MYO16: variants seen among roughly 807,000 people sequenced by gnomAD.
The protein encoded by MYO16 is myosin XVI.
A neutral mutation model predicts 205.3 loss-of-function variants in MYO16; 94 were observed. That is an observed-to-expected ratio of 0.46 (90% CI 0.39 to 0.54). The LOEUF (loss-of-function observed/expected upper bound fraction) is 0.54. Among genes scored for constraint, MYO16 ranks in the 20% least tolerant of loss-of-function variants. The pLI, the probability that MYO16 is intolerant of heterozygous loss-of-function variation, is 0.00. For missense variants in MYO16, 2,315 were observed against 2,387.5 expected (o/e 0.97, Z 0.63); for synonymous variants, 988 against 954.0 (o/e 1.04, Z -0.66).
upstream of MYO16, among the ~76,000 whole-genome samples, chr13:108,592,271 G>A (rs1372950021): frequency 8.4e-6 from 1 of 118,700 alleles, no homozygotes; most frequent in African/African-American, 3.4e-5. Flanking sequence ...GTACGTGTGG[G>A]TGTGTGGGGG....
intron 1 of MYO16, among the ~76,000 whole-genome samples, chr13:108,642,767 G>C (rs750144781): frequency 3.5e-4 from 53 of 152,044 alleles, no homozygotes; most frequent in Non-Finnish European, 6.9e-4. Context: ...AAGTGACAGA[G>C]GCTGGCATCT....
intron 4 of MYO16, among the ~76,000 whole-genome samples, chr13:108,776,506 G>A (rs1479046454): frequency 1.3e-5 from 2 of 152,142 alleles, no homozygotes; most frequent in African/African-American, 2.4e-5. Flanking sequence ...TAAGCATTTC[G>A]ATTATTTCCT....
At chr13:108,497,289 C>T in the MYO16 span, among the ~76,000 whole-genome samples, 1 of 152,190 alleles carries the variant, frequency 6.6e-6, no homozygotes, top group Non-Finnish European at 1.5e-5. Context: ...GTAGAAGCCT[C>T]GAAGGTAATT....
rs368889865 is a variant in MYO16, at chr13:108,836,598, G to T, written c.1098-7745G>T. Among the ~76,000 whole-genome samples the T allele has an allele frequency of 2.0e-5, 3 of 152,042 alleles. No individual in the cohort carries two copies. In the South Asian group the frequency reaches 6.2e-4, roughly 32 times the overall value. On this transcript the variant is annotated intron_variant, in intron 9 of 34. Transcript: ENST00000457511. ...AATGCCAGCCCATGAAAGCAGCCGG[G>T]TGCAGGGCCATACCCAGCAAAACCA... is the stretch of plus-strand genomic sequence containing the variant.
intron 2 of MYO16, among the ~76,000 whole-genome samples, chr13:108,666,386 T>A (rs1881732148): frequency 7.3e-6 from 1 of 137,300 alleles, no homozygotes; most frequent in Non-Finnish European, 1.5e-5. Flanking sequence ...GAGATTGTAT[T>A]TTTTTTTTTA....
chr13:108,667,119 C>A (rs1047738091), intron 2 of MYO16, among the ~76,000 whole-genome samples: 16 of 152,084 alleles, frequency 1.1e-4, no homozygotes, highest in African/African-American at 3.6e-4. Flanking sequence ...ATAACCTGTT[C>A]AGTTTGGAAA....
At chr13:108,636,359 T>TGTGTG (rs1326267664) in intron 1 of MYO16, among the ~76,000 whole-genome samples, 4 of 96,934 alleles carry the variant, frequency 4.1e-5, no homozygotes, top group African/African-American at 8.5e-5. Context: ...TTTTTTTTTT[T>TGTGTG]TTTTTTTTTT....
chr13:109,014,404 C>CCTCCAGCTTTGTT (rs1566461520), intron 22 of MYO16, among the ~76,000 whole-genome samples: 1 of 152,158 alleles, frequency 6.6e-6, no homozygotes, highest in Non-Finnish European at 1.5e-5. Context: ...TAGCATGATG[C>CCTCCAGCTTTGTT]CTCCAGCTTT....
chr13:108,957,703 C>T lies in MYO16; in HGVS notation c.1941C>T (p.Thr647=), dbSNP rs1490556275. The change falls in exon 17 of 35, where the codon ACC becomes ACT. Residue 647 remains threonine (T), a synonymous_variant. Coordinates refer to ENST00000457511, the MANE Select transcript of MYO16 (RefSeq NM_001198950.3). ...CTCCTAACAGGTATTTGAACCAGAC[C>T]ATACAGGATGATGCATCCACAGGGG... ...NLCAHRYLNQ[T]IQDDASTGER... is the part of the protein sequence containing the mutation. 1 of 1,611,612 alleles carries T rather than the reference C, an allele frequency of 6.2e-7. No homozygotes were observed. The highest frequency in any genetic ancestry group is 1.7e-5 in the Admixed American group (1 of 59,990).
chr13:108,889,019 C>T (rs1326445047), intron 14 of MYO16, among the ~76,000 whole-genome samples: 1 of 151,444 alleles, frequency 6.6e-6, no homozygotes, highest in Non-Finnish European at 1.5e-5. Context: ...CATGCTGTTG[C>T]ATTCCAGCTG....
chr13:108,710,080 GCATTCCT>G (rs1883660865), intron 2 of MYO16, among the ~76,000 whole-genome samples: 1 of 151,670 alleles, frequency 6.6e-6, no homozygotes. Flanking sequence ...TCATTCCTGG[GCATTCCT>G]GTGCAATGTT....
the MYO16 span, among the ~76,000 whole-genome samples, chr13:108,564,133 GTCT>G: frequency 1.4e-5 from 2 of 148,054 alleles, no homozygotes; most frequent in South Asian, 2.1e-4. Flanking sequence ...TCATTTGTCT[GTCT>G]TCTTTTCAGA....
the MYO16 span, among the ~76,000 whole-genome samples, chr13:108,497,010 G>A: frequency 6.6e-6 from 1 of 152,180 alleles, no homozygotes; most frequent in Non-Finnish European, 1.5e-5. Context: ...TGGGATGAAG[G>A]TTAAAGCATT....
At chr13:109,029,415 T>C (rs56968659) in intron 23 of MYO16, among the ~76,000 whole-genome samples, 14,375 of 152,150 alleles carry the variant, frequency 0.094, 758 homozygotes, top group Middle Eastern at 0.11. Context: ...CTGTTGAGCT[T>C]CTCAGTTCCA....
chr13:109,120,722 C>T (rs1234037795), intron 29 of MYO16, among the ~76,000 whole-genome samples: 3 of 152,120 alleles, frequency 2.0e-5, no homozygotes, highest in Non-Finnish European at 4.4e-5. Context: ...TTCTGTGGGG[C>T]TCATTTGGAT....
At chr13:108,524,066 G>A in the MYO16 span, among the ~76,000 whole-genome samples, 1 of 152,052 alleles carries the variant, frequency 6.6e-6, no homozygotes, top group Non-Finnish European at 1.5e-5. Context: ...TTGGGAGGCC[G>A]AGGTGGGTGG....
At chr13:108,517,881 C>T in the MYO16 span, among the ~76,000 whole-genome samples, 5 of 152,272 alleles carry the variant, frequency 3.3e-5, no homozygotes, top group East Asian at 1.9e-4. Context: ...CTGCTTCATA[C>T]GTTGTGCCTT....
chr13:108,612,200 T>C (rs2139320284), intron 1 of MYO16, among the ~76,000 whole-genome samples: 1 of 152,268 alleles, frequency 6.6e-6, no homozygotes, highest in East Asian at 1.9e-4. Context: ...ACATACACTG[T>C]AACATATGTG....
At chr13:109,034,714 C>G (rs1018632486) in intron 23 of MYO16, among the ~76,000 whole-genome samples, 1 of 152,152 alleles carries the variant, frequency 6.6e-6, no homozygotes, top group African/African-American at 2.4e-5. Context: ...CCCTGATAAC[C>G]TCCTCAATCC....
Sources: allele counts gnomAD v4.1 joint callset (sites outside exome capture counted in the v4.1 genomes callset), GRCh38; gene constraint gnomAD v4.1.1; transcripts MANE v1.5; gene names NCBI Gene and HGNC (gene_info 2026-07-23, HGNC 2026-07-21).